NRK: variants seen among roughly 807,000 people sequenced by gnomAD.
The protein encoded by NRK is nik-related protein kinase.
In NRK, 67 loss-of-function variants were observed where a neutral mutation model predicts 125.2. The observed-to-expected ratio is 0.54, with a 90% CI of 0.44 to 0.66. The LOEUF is 0.66. Among genes scored for constraint, NRK ranks in the 30% least tolerant of loss-of-function variants. The probability of loss-of-function intolerance (pLI) is 0.00; values close to 1 mark genes in which losing one functional copy is unlikely to be tolerated. For missense variants in NRK, 1,224 were observed against 1,192.9 expected, an observed-to-expected ratio of 1.03 and a Z score of -0.38; for synonymous variants, 458 against 429.0, an observed-to-expected ratio of 1.07 and a Z score of -0.84.
intron 24 of NRK, among the ~76,000 whole-genome samples, chrX:105,944,928 A>G (rs369533807): frequency 5.4e-5 from 6 of 112,126 alleles, no homozygotes; most frequent in African/African-American, 1.9e-4. Flanking sequence ...TAAATAAACA[A>G]TTGAGTGTCT....
chrX:105,880,742 A>G, intron 3 of NRK, among the ~76,000 whole-genome samples: 1 of 111,691 alleles, frequency 9.0e-6, no homozygotes, highest in East Asian at 2.8e-4. Context: ...CAGATGAGCA[A>G]AAGAGACAGT....
chrX:105,864,198 T>C (rs1208513087), intron 2 of NRK, among the ~76,000 whole-genome samples: 2 of 111,611 alleles, frequency 1.8e-5, no homozygotes, highest in African/African-American at 6.5e-5. Context: ...TCAGTGCTGC[T>C]TAGTATCAAA....
intron 1 of NRK, among the ~76,000 whole-genome samples, chrX:105,824,779 G>T: frequency 9.0e-6 from 1 of 111,219 alleles, no homozygotes; most frequent in East Asian, 2.8e-4. Flanking sequence ...GGTGGAGTGG[G>T]TGTGTGAGGA....
chrX:105,951,190 A>G lies in NRK; in HGVS notation c.4513+1456A>G, dbSNP rs769605265. ...AAGTAAAAATAATGACTCATGTTCT[A>G]TCCTTTACAGTGGTACTTTTGTGAT... On this transcript the variant is annotated intron_variant, in intron 27 of 28. Coordinates refer to ENST00000243300, the MANE Select transcript of NRK (RefSeq NM_198465.4). Among the ~76,000 whole-genome samples the G allele has an allele frequency of 5.2e-4, 58 of 111,187 alleles. 1 individual carries two copies. Among genetic ancestry groups the G allele is most frequent in the African/African-American group, 1.9e-3 (57 of 30,617 alleles).
At chrX:105,899,095 C>G (rs1354083464) in intron 8 of NRK, among the ~76,000 whole-genome samples, 4 of 111,798 alleles carry the variant, frequency 3.6e-5, no homozygotes, top group African/African-American at 1.3e-4. Flanking sequence ...TTAACCCCCA[C>G]AGTAACTTAG....
chrX:105,855,934 C>T (rs1044983909), intron 2 of NRK, among the ~76,000 whole-genome samples: 1 of 111,212 alleles, frequency 9.0e-6, no homozygotes, highest in African/African-American at 3.3e-5. Context: ...TTACCAATTT[C>T]TTTTCAAGTT....
intron 11 of NRK, among the ~76,000 whole-genome samples, chrX:105,907,011 T>G (rs2040229820): frequency 9.0e-6 from 1 of 111,249 alleles, no homozygotes; most frequent in African/African-American, 3.3e-5. Flanking sequence ...GGATTTGTAA[T>G]TAACCATTTA....
chrX:105,921,387 C>T (rs1446453599), intron 16 of NRK, among the ~76,000 whole-genome samples: 2 of 105,478 alleles, frequency 1.9e-5, no homozygotes, highest in Middle Eastern at 4.8e-3. Flanking sequence ...TACTAGATGA[C>T]GAGTTAGTGG....
intron 17 of NRK, among the ~76,000 whole-genome samples, chrX:105,922,891 A>T (rs1196626089): frequency 9.0e-6 from 1 of 111,303 alleles, no homozygotes; most frequent in Non-Finnish European, 1.9e-5. Context: ...TATTTTTTTT[A>T]AGTGAGTAAA....
chrX:105,937,534 C>T lies in NRK; in HGVS notation c.3751C>T (p.Arg1251Cys), dbSNP rs779466713. ...ITKLIRRRPF[R>C]QIQVLEPLNL... ...TAAACTTATAAGGCGAAGACCATTC[C>T]GCCAGATTCAAGTCTTAGAGCCACT... The change falls in exon 22 of 29, where the codon CGC becomes TGC. Residue 1251 changes from arginine to cysteine, a missense_variant. Arg to Cys is a radical substitution (Grantham distance 180). Coordinates refer to ENST00000243300, the MANE Select transcript of NRK (RefSeq NM_198465.4). The T allele has an allele frequency of 5.8e-6, 7 of 1,202,933 alleles. No homozygotes were observed. The highest frequency in any genetic ancestry group is 1.8e-5 in the South Asian group (1 of 55,769).
Position 105,957,321 on chromosome X carries a change from G to A in NRK, c.*1721G>A, listed in dbSNP as rs1210310827. 1.8e-5 allele frequency: 2 copies of A among 108,559 alleles called. No individual in the cohort carries two copies. Among genetic ancestry groups the A allele is most frequent in the South Asian group, 4.1e-4 (1 of 2,465 alleles). 8.9% of individuals were successfully genotyped at this position (108,559 alleles called of 1,213,427 possible). On this transcript the variant is annotated 3_prime_UTR_variant, in exon 29 of 29. Transcript: ENST00000243300. ...CTTTTATGTCAAATTTTTTTTCTTA[G>A]AAGTAGTCTTCATTATTATAAATTT...
chrX:105,912,522 G>T (rs1458439366), intron 13 of NRK, 126 bp from the exon 14 acceptor site: 4 of 207,919 alleles, frequency 1.9e-5, no homozygotes, highest in Non-Finnish European at 3.5e-5. Context: ...CTTTTAAATT[G>T]TGTATTATTT....
At chrX:105,863,357 C>CACAT (rs372176349) in intron 2 of NRK, among the ~76,000 whole-genome samples, 16,879 of 106,340 alleles carry the variant, frequency 0.16, 1,171 homozygotes, top group South Asian at 0.31. Context: ...CACACACACA[C>CACAT]ATACTATTTT....
Position 105,822,768 on chromosome X carries a change from C to A in NRK, c.-78C>A. On this transcript the variant is annotated 5_prime_UTR_variant, in exon 1 of 29. Coordinates refer to ENST00000243300, the MANE Select transcript of NRK (RefSeq NM_198465.4). Reference sequence around the variant, plus strand: ...CCTCCTCCTTCCTCTCTCCTCCCTTCAACTCTTCATCCGCTTCCACCTCAG... The same window carrying A: ...CCTCCTCCTTCCTCTCTCCTCCCTTAAACTCTTCATCCGCTTCCACCTCAG... 6 of 958,168 alleles carry A rather than the reference C, an allele frequency of 6.3e-6. No individual in the cohort carries two copies. The highest frequency in any genetic ancestry group is 8.8e-6 in the Non-Finnish European group (6 of 680,896). 79.0% of individuals were successfully genotyped at this position (958,168 alleles called of 1,213,427 possible). A position where few individuals can be genotyped will look rare whatever the true frequency, so the allele number is the denominator to read the frequency against.
chrX:105,845,969 C>G (rs1327200298), intron 2 of NRK, among the ~76,000 whole-genome samples: 1 of 110,964 alleles, frequency 9.0e-6, no homozygotes, highest in African/African-American at 3.3e-5. Flanking sequence ...AGAGCCTTTG[C>G]CTGCTCAGTC....
At chrX:105,830,924 C>T in intron 1 of NRK, 130 bp from the exon 2 acceptor site, 3 of 431,420 alleles carry the variant, frequency 7.0e-6, no homozygotes, top group Non-Finnish European at 1.2e-5. Flanking sequence ...CACATGTATA[C>T]ATATGTAACA....
chrX:105,845,697 C>T (rs937847089), intron 2 of NRK, among the ~76,000 whole-genome samples: 1 of 111,881 alleles, frequency 8.9e-6, no homozygotes, highest in Non-Finnish European at 1.9e-5. Flanking sequence ...ACTCTCCCAC[C>T]TGCTGTGGTG....
At chrX:105,839,284 T>A (rs2039301706) in intron 2 of NRK, among the ~76,000 whole-genome samples, 1 of 106,136 alleles carries the variant, frequency 9.4e-6, no homozygotes, top group African/African-American at 3.4e-5. Context: ...TCCTTGCCAT[T>A]TTGCAAATAT....
At chrX:105,940,207 A>C (rs2040720696) in intron 23 of NRK, among the ~76,000 whole-genome samples, 175 bp downstream of exon 23, 1 of 111,461 alleles carries the variant, frequency 9.0e-6, no homozygotes, top group Non-Finnish European at 1.9e-5. Flanking sequence ...CAAATCAAAG[A>C]AGAGTAAATT....
Sources: allele counts gnomAD v4.1 joint callset (sites outside exome capture counted in the v4.1 genomes callset), GRCh38; gene constraint gnomAD v4.1.1; transcripts MANE v1.5; gene names NCBI Gene and HGNC (gene_info 2026-07-23, HGNC 2026-07-21).